Variants in ROS1 observed in about 807,000 individuals in gnomAD.
ROS1 encodes ROS proto-oncogene 1, receptor tyrosine kinase.
ROS1 carries 263 observed loss-of-function variants against 273.5 expected under a neutral mutation model. The ratio of observed to expected loss-of-function variants is 0.96; its 90% CI spans 0.87 to 1.06. The LOEUF (loss-of-function observed/expected upper bound fraction) is 1.06, where lower values mean the gene tolerates loss of function less well. Among genes scored for constraint, ROS1 ranks in the 50% least tolerant of loss-of-function variants. ROS1 has a pLI of 0.00. For synonymous variants in ROS1, 1,008 were observed against 954.1 expected (o/e 1.06, Z -1.04); for missense variants, 2,833 against 2,751.1 (o/e 1.03, Z -0.67).
At position 117,356,719 on chromosome 6, in the gene ROS1, A is replaced by C. The variant is rs934940589; in HGVS notation, c.4036T>G (p.Leu1346Val). Residue 1346 changes from leucine to valine, a missense_variant, in exon 26 of 44, where the codon TTG becomes GTG. By Grantham distance (32) the Leu-to-Val change is conservative. Coordinates refer to ENST00000368507, the MANE Select transcript of ROS1 (RefSeq NM_001378902.1). ...AIDTSNLEKP[L>V]IYFAKAQEIW... ...TCTTGTGCTTTGGCAAAGTATATCA[A>C]TGGTTTCTCTAGGTTAGAGGTATCA... 3 of 1,614,054 alleles carry C rather than the reference A, an allele frequency of 1.9e-6. No homozygotes were observed.
rs1283373956 is a variant in ROS1 at position 117,387,684 on chromosome 6, C to T, written c.1999+96G>A. ...CTCAAGAGGTCAATACACCCTCATT[C>T]TCATTTCTTTAAACCCAAGGCAAGG... is the stretch of plus-strand genomic sequence containing the variant. On this transcript the variant is annotated intron_variant, in intron 14 of 43. Transcript: ENST00000368507. 2.3e-6 allele frequency: 3 copies of T among 1,293,508 alleles called. No homozygotes were observed. In the African/African-American group the frequency reaches 4.5e-5, roughly 19 times the overall value. 80.1% of individuals were successfully genotyped at this position (1,293,508 alleles called of 1,614,324 possible). A position where few individuals can be genotyped will look rare whatever the true frequency, so the allele number is the denominator to read the frequency against.
intron 27 of ROS1, among the ~76,000 whole-genome samples, chr6:117,349,675 T>C (rs1341494006): frequency 2.0e-5 from 3 of 152,178 alleles, no homozygotes; most frequent in Admixed American, 1.3e-4. Flanking sequence ...TTCTGACTTT[T>C]GTGGTTTTAT....
rs866472077 is a variant in ROS1 at position 117,341,214 on chromosome 6, G to A, written c.4982C>T (p.Pro1661Leu). ...ATTAAATTGCAAACTAGTGTTCTCT[G>A]GAACCAAGGAATAAGGTTTCTCTGG... The part of the protein sequence containing the change: ...NTPEKPYSLV[P>L]ENTSLQFNWK... Residue 1661 changes from proline to leucine, a missense_variant, in exon 31 of 44, where the codon CCA becomes CTA. Coordinates refer to ENST00000368507, the MANE Select transcript of ROS1 (RefSeq NM_001378902.1). 1.4e-5 allele frequency: 22 copies of A among 1,613,346 alleles called. 2 individuals are homozygous for A. In the Middle Eastern group the frequency reaches 3.6e-3, roughly 266 times the overall value.
At chr6:117,347,352 T>G (rs1445526953) in intron 27 of ROS1, among the ~76,000 whole-genome samples, 1 of 152,164 alleles carries the variant, frequency 6.6e-6, no homozygotes, top group Non-Finnish European at 1.5e-5. Flanking sequence ...GTGTTTAATT[T>G]CTAATTCCAC....
chr6:117,326,629 C>A (rs1279961677), intron 33 of ROS1, among the ~76,000 whole-genome samples: 1 of 152,018 alleles, frequency 6.6e-6, no homozygotes, highest in Non-Finnish European at 1.5e-5. Context: ...CTCAGCCCAC[C>A]AAGAAAACTG....
intron 6 of ROS1, among the ~76,000 whole-genome samples, chr6:117,403,986 C>T (rs549316272): frequency 6.6e-6 from 1 of 152,286 alleles, no homozygotes; most frequent in East Asian, 1.9e-4. Flanking sequence ...CCTGTAATCC[C>T]AGCACTTTGG....
rs1385415565 is a variant in ROS1, at chr6:117,385,870, A to T, written c.2111-9T>A. On this transcript the variant is annotated splice_polypyrimidine_tract_variant and intron_variant, in intron 15 of 43. Coordinates refer to ENST00000368507, the MANE Select transcript of ROS1 (RefSeq NM_001378902.1). ...GTTATACCAATCCATGTCTCAAAAT[A>T]AAGTGAATGATTAGCAGTTATTTTT... 1 of 1,612,166 alleles carries T rather than the reference A, an allele frequency of 6.2e-7. No individual in the cohort carries two copies. Among genetic ancestry groups the T allele is most frequent in the South Asian group, 1.1e-5 (1 of 91,032 alleles).
rs1373810021 is a variant in ROS1, at chr6:117,319,876, C to T, written c.5914G>A (p.Ala1972Thr). Residue 1972 changes from alanine to threonine, a missense_variant, in exon 37 of 44, where the codon GCA becomes ACA. Ala to Thr is a moderately conservative substitution (Grantham distance 58). Transcript: ENST00000368507. ...LGVGSGEIKV[A>T]VKTLKKGSTD... is the part of the protein sequence containing the mutation. ...TCGAAGATTCACATTACCTTCACTG[C>T]TACTTTGATTTCTCCACTTCCAACT... The T allele has an allele frequency of 2.5e-6, 4 of 1,612,928 alleles. No homozygotes were observed. The highest frequency in any genetic ancestry group is 3.4e-6 in the Non-Finnish European group (4 of 1,179,198).
At chr6:117,307,717 G>T (rs1023795242) in intron 42 of ROS1, among the ~76,000 whole-genome samples, 2 of 152,074 alleles carry the variant, frequency 1.3e-5, no homozygotes, top group Non-Finnish European at 2.9e-5. Flanking sequence ...CTAGCTGGAA[G>T]ATTTAAATAA....
At chr6:117,359,733 T>C in intron 24 of ROS1, 76 bp downstream of exon 24, 1 of 1,193,946 alleles carries the variant, frequency 8.4e-7, no homozygotes, top group Non-Finnish European at 1.2e-6. Flanking sequence ...CGTTTTCCAG[T>C]CATTTTAACT....
chr6:117,408,346 C>T lies in ROS1; in HGVS notation c.316+1236G>A, dbSNP rs577740096. ...AAGGGCTAATATCCAGAATCTACAA[C>T]GAACTCAAACAAATTTACAAGAAAA... On this transcript the variant is annotated intron_variant, in intron 5 of 43. Coordinates refer to ENST00000368507, the MANE Select transcript of ROS1 (RefSeq NM_001378902.1). 5.1e-3 allele frequency among the ~76,000 whole-genome samples: 783 copies of T among 152,084 alleles called. 9 individuals are homozygous for T. Among genetic ancestry groups the T allele is most frequent in the African/African-American group, 0.017 (723 of 41,474 alleles).
In ROS1 at chr6:117,394,605, A is replaced by C; in HGVS notation, c.1006+11T>G. ...TCACACTAAGGAATCATTTATCCTT[A>C]TCATACTGACCTGTAATATTATGGT... is the stretch of plus-strand genomic sequence containing the variant. On this transcript the variant is annotated intron_variant, in intron 10 of 43. Transcript: ENST00000368507. 1 of 1,576,624 alleles carries C rather than the reference A, an allele frequency of 6.3e-7. No individual in the cohort carries two copies. The highest frequency in any genetic ancestry group is 8.6e-7 in the Non-Finnish European group (1 of 1,163,774).
chr6:117,337,603 G>A (rs1254683928), intron 31 of ROS1, among the ~76,000 whole-genome samples: 1 of 152,046 alleles, frequency 6.6e-6, no homozygotes, highest in African/African-American at 2.4e-5. Flanking sequence ...ATGTCAACGA[G>A]GAAGATTCAG....
chr6:117,328,879 C>T (rs2128591357), intron 33 of ROS1: 1 of 612,780 alleles, frequency 1.6e-6, no homozygotes, highest in Non-Finnish European at 3.2e-6. Context: ...CTCTACACTT[C>T]AGACCATTTC....
At chr6:117,391,456 G>A (rs1029546551) in intron 12 of ROS1, among the ~76,000 whole-genome samples, 3 of 152,118 alleles carry the variant, frequency 2.0e-5, no homozygotes, top group African/African-American at 7.2e-5. Flanking sequence ...AAGCTGGGGT[G>A]GAAGAAGATG....
chr6:117,371,780 C>T (rs981566180), intron 18 of ROS1, among the ~76,000 whole-genome samples: 1 of 152,070 alleles, frequency 6.6e-6, no homozygotes, highest in African/African-American at 2.4e-5. Context: ...TGGGCGAGGC[C>T]GGTCACTGCT....
At chr6:117,296,791 AATAACT>A (rs2128530158) in intron 43 of ROS1, among the ~76,000 whole-genome samples, 1 of 152,320 alleles carries the variant, frequency 6.6e-6, no homozygotes, top group South Asian at 2.1e-4. Context: ...TACATTTTAA[AATAACT>A]ATAAGTAAAA....
Position 117,360,299 on chromosome 6 carries a change from C to CACACACAT in ROS1, c.3430+42_3430+43insATGTGTGT, listed in dbSNP as rs58588396. ...ACACACACACACACACACACACACA[C>CACACACAT]GCCTCTAAATTATTATTTGCACAGA... On this transcript the variant is annotated intron_variant, in intron 23 of 43. Transcript: ENST00000368507. 19 of 1,455,516 alleles carry CACACACAT rather than the reference C, an allele frequency of 1.3e-5. No homozygotes were observed. In the African/African-American group the frequency reaches 1.8e-4, roughly 14 times the overall value. 90.2% of individuals were successfully genotyped at this position (1,455,516 alleles called of 1,614,324 possible).
intron 7 of ROS1, among the ~76,000 whole-genome samples, chr6:117,402,301 C>T (rs11153658): frequency 0.054 from 8,282 of 152,206 alleles, 310 homozygotes; most frequent in East Asian, 0.15. Context: ...GTCTTCCACA[C>T]GGACCATCCC....
Sources: allele counts gnomAD v4.1 joint callset (sites outside exome capture counted in the v4.1 genomes callset), GRCh38; gene constraint gnomAD v4.1.1; transcripts MANE v1.5; gene names NCBI Gene and HGNC (gene_info 2026-07-23, HGNC 2026-07-21).